MRPS14: variants seen among roughly 807,000 people sequenced by gnomAD.
MRPS14 encodes small ribosomal subunit protein uS14m.
In MRPS14, 14 loss-of-function variants were observed where a neutral mutation model predicts 16.4. The observed-to-expected ratio is 0.85, with a 90% CI of 0.56 to 1.33. The LOEUF is 1.33. Among genes scored for constraint, MRPS14 ranks in the 40% most tolerant of loss-of-function variants. MRPS14 has a pLI of 0.00. For missense variants in MRPS14, 162 were observed against 176.8 expected (o/e 0.92, Z 0.48); for synonymous variants, 54 against 61.9 (o/e 0.87, Z 0.60).
chr1:175,019,657 T>C (rs1316176110), intron 1 of MRPS14, among the ~76,000 whole-genome samples: 3 of 152,184 alleles, frequency 2.0e-5, no homozygotes, highest in Admixed American at 2.0e-4. Context: ...ATCACTGACC[T>C]AAGACTTCTC....
In MRPS14 at chr1:175,013,594, A is replaced by T. The variant is rs1173647208; in HGVS notation, c.*1075T>A. On this transcript the variant is annotated 3_prime_UTR_variant, in exon 3 of 3. Transcript: ENST00000476371. ...GTCTTGCCTGTAGCTTTTTCCTCTC[A>T]TGGCCATCTGCCACACAGCTGTCAC... The T allele has an allele frequency of 6.6e-6, 1 of 152,192 alleles. No individual in the cohort carries two copies. The highest frequency in any genetic ancestry group is 1.5e-5 in the Non-Finnish European group (1 of 68,058). The allele number at this position is 152,192 out of a possible 1,614,324, so 9.4% of individuals were successfully genotyped here.
intron 2 of MRPS14, among the ~76,000 whole-genome samples, chr1:175,017,102 T>A (rs1672895158): frequency 6.6e-6 from 1 of 151,984 alleles, no homozygotes; most frequent in Admixed American, 6.6e-5. Flanking sequence ...TCACCTAGGC[T>A]GGAGCGTACT....
intron 1 of MRPS14, 150 bp downstream of exon 1, chr1:175,023,214 C>T: frequency 6.5e-7 from 1 of 1,541,716 alleles, no homozygotes; most frequent in Non-Finnish European, 8.7e-7. Flanking sequence ...CGGACCTCCC[C>T]TGAACCAAGC....
chr1:175,018,057 G>C (rs1301099166), intron 2 of MRPS14, among the ~76,000 whole-genome samples: 1 of 152,032 alleles, frequency 6.6e-6, no homozygotes. Flanking sequence ...CTGGGAGGCG[G>C]AGGTTGTGGT....
chr1:175,023,231 G>C, intron 1 of MRPS14, 133 bp downstream of exon 1: 1 of 1,547,482 alleles, frequency 6.5e-7, no homozygotes, highest in South Asian at 1.2e-5. Flanking sequence ...AAGCCCAAGC[G>C]CGGAAGAGGG....
In MRPS14 at chr1:175,018,439, G is replaced by C. The variant is rs1019948397; in HGVS notation, c.183C>G (p.Thr61=). The change falls in exon 2 of 3, where the codon ACC becomes ACG. Residue 61 remains threonine, a synonymous_variant. Coordinates refer to ENST00000476371, the MANE Select transcript of MRPS14 (RefSeq NM_022100.3). ...TAACCTGAAGAATTTTTGGCAAAAT[G>C]GTATTCTTCCTGAGTGAATTAATAC... is the stretch of plus-strand genomic sequence containing the variant. ...RLRINSLRKN[T]ILPKILQDVA... is the part of the protein sequence containing the mutation. 7.5e-6 allele frequency: 12 copies of C among 1,599,320 alleles called. No individual in the cohort carries two copies. Among genetic ancestry groups the C allele is most frequent in the African/African-American group, 1.4e-5 (1 of 74,068 alleles).
chr1:175,023,273 G>C, intron 1 of MRPS14, 91 bp downstream of exon 1: 1 of 1,571,110 alleles, frequency 6.4e-7, no homozygotes, highest in Middle Eastern at 1.7e-4. Flanking sequence ...GGTCCTCACC[G>C]AGCACTACAG....
intron 1 of MRPS14, 23 bp downstream of exon 1, chr1:175,023,341 G>A (rs779390354): frequency 1.8e-5 from 29 of 1,613,404 alleles, no homozygotes; most frequent in Non-Finnish European, 2.3e-5. Context: ...GGGTAGCGGT[G>A]TGGATAAAAG....
rs777617152 is a variant in MRPS14 at position 175,018,440 on chromosome 1, G to T, written c.182C>A (p.Thr61Asn). Residue 61 changes from threonine to asparagine, a missense_variant, in exon 2 of 3, where the codon ACC becomes AAC. Transcript: ENST00000476371. ...AACCTGAAGAATTTTTGGCAAAATG[G>T]TATTCTTCCTGAGTGAATTAATACG... ...RLRINSLRKN[T>N]ILPKILQDVA... The T allele has an allele frequency of 1.3e-5, 21 of 1,600,920 alleles. No individual in the cohort carries two copies. The African/African-American group carries it at 2.3e-4, about 17-fold the overall frequency.
intron 2 of MRPS14, among the ~76,000 whole-genome samples, chr1:175,015,098 C>G (rs1672856904): frequency 6.6e-6 from 1 of 151,994 alleles, no homozygotes; most frequent in Admixed American, 6.6e-5. Flanking sequence ...CAGGTGTGCA[C>G]TACCACACTC....
chr1:175,021,994 T>C (rs1490339376), intron 1 of MRPS14, among the ~76,000 whole-genome samples: 1 of 152,226 alleles, frequency 6.6e-6, no homozygotes, highest in Non-Finnish European at 1.5e-5. Context: ...ATAGGGGTAT[T>C]AAACATTTGT....
intron 1 of MRPS14, among the ~76,000 whole-genome samples, chr1:175,021,505 C>G (rs1305964535): frequency 6.6e-6 from 1 of 152,178 alleles, no homozygotes; most frequent in Non-Finnish European, 1.5e-5. Flanking sequence ...CTCATTATCA[C>G]TTCTTTCTAG....
rs1300578355 is a variant in MRPS14, at chr1:175,013,823, CTG to C, written c.*844_*845del. On this transcript the variant is annotated 3_prime_UTR_variant, in exon 3 of 3. Transcript: ENST00000476371. ...TTGCTTCTTTGTGCTTTTGTTCCCT[CTG>C]TGTGCAGAAAAAAATCTCACCCCTC... The C allele has an allele frequency of 1.3e-5, 2 of 152,166 alleles. No homozygotes were observed. The highest frequency in any genetic ancestry group is 2.9e-5 in the Non-Finnish European group (2 of 68,040). 9.4% of individuals were successfully genotyped at this position (152,166 alleles called of 1,614,324 possible).
rs1558329462 is a variant in MRPS14, at chr1:175,014,490, A to G, written c.*179T>C. ...TTAAGTCCAAGAGAAAAGATAATTC[A>G]CTGACATGAAACACCCAAATGTCTT... is the stretch of plus-strand genomic sequence containing the variant. On this transcript the variant is annotated 3_prime_UTR_variant, in exon 3 of 3. Coordinates refer to ENST00000476371, the MANE Select transcript of MRPS14 (RefSeq NM_022100.3). The G allele has an allele frequency of 5.5e-6, 3 of 547,514 alleles. No homozygotes were observed. Among genetic ancestry groups the G allele is most frequent in the Non-Finnish European group, 6.3e-6 (2 of 318,422 alleles). 33.9% of individuals were successfully genotyped at this position (547,514 alleles called of 1,614,324 possible). A position where few individuals can be genotyped will look rare whatever the true frequency, so the allele number is the denominator to read the frequency against.
At position 175,023,289 on chromosome 1, in the gene MRPS14, A is replaced by G. The variant is rs773993246; in HGVS notation, c.45+75T>C. 1.9e-6 allele frequency: 3 copies of G among 1,583,292 alleles called. No homozygotes were observed. The African/African-American group carries it at 4.0e-5, about 21-fold the overall frequency. On this transcript the variant is annotated intron_variant, in intron 1 of 2. Transcript: ENST00000476371. ...GTCCTCACCGAGCACTACAGGTGGC[A>G]GAGCCGTGGGGGACCCGTGGGTTAT...
chr1:175,014,580 G>A lies in MRPS14; in HGVS notation c.*89C>T, dbSNP rs571798056. Reference sequence around the variant, plus strand: ...AACAACTGTACTGGGCCCCTGTAGAGATTAGGGTTTGGTCTATTAAAAAAA... The same window carrying A: ...AACAACTGTACTGGGCCCCTGTAGAAATTAGGGTTTGGTCTATTAAAAAAA... On this transcript the variant is annotated 3_prime_UTR_variant, in exon 3 of 3. Transcript: ENST00000476371. 1.5e-6 allele frequency: 2 copies of A among 1,368,644 alleles called. No homozygotes were observed. The highest frequency in any genetic ancestry group is 2.3e-5 in the East Asian group (1 of 42,834). 84.8% of individuals were successfully genotyped at this position (1,368,644 alleles called of 1,614,324 possible). A position where few individuals can be genotyped will look rare whatever the true frequency, so the allele number is the denominator to read the frequency against.
At chr1:175,018,665 T>C (rs1043326814) in intron 1 of MRPS14, 89 bp from the exon 2 acceptor site, 3 of 1,203,260 alleles carry the variant, frequency 2.5e-6, no homozygotes, top group Non-Finnish European at 3.4e-6. Flanking sequence ...TCTGCCACTA[T>C]TTATCATTTA....
intron 1 of MRPS14, 117 bp downstream of exon 1, chr1:175,023,247 G>A: frequency 6.4e-7 from 1 of 1,554,920 alleles, no homozygotes; most frequent in Non-Finnish European, 8.7e-7. Context: ...GAGGGCGGAA[G>A]GAGAACCCCT....
intron 2 of MRPS14, among the ~76,000 whole-genome samples, chr1:175,017,651 A>G (rs1672907116): frequency 6.6e-6 from 1 of 152,166 alleles, no homozygotes. Context: ...ATGCTTCAGA[A>G]AGCCAAGCAG....
Sources: gnomAD v4.1 joint callset for allele counts (sites outside exome capture counted in the v4.1 genomes callset) on GRCh38, gnomAD v4.1.1 for gene constraint, MANE v1.5 for transcripts, NCBI Gene and HGNC (gene_info 2026-07-23, HGNC 2026-07-21) for gene names.